The following UNC5C variants were observed in gnomAD, a reference collection of about 807,000 sequenced individuals.
UNC5C encodes unc-5 netrin receptor C, also known as netrin receptor UNC5C.
In UNC5C, 47 loss-of-function variants were observed where a neutral mutation model predicts 99.8. That is an observed-to-expected ratio of 0.47 (90% CI 0.37 to 0.60). UNC5C has a LOEUF of 0.60. Among genes scored for constraint, UNC5C ranks in the 20% least tolerant of loss-of-function variants. UNC5C has a pLI of 0.00. For missense variants in UNC5C, 1,062 were observed against 1,165.9 expected (o/e 0.91, Z 1.30); for synonymous variants, 487 against 452.2 (o/e 1.08, Z -0.98).
At chr4:95,203,583 C>T (rs772527387) in intron 11 of UNC5C, among the ~76,000 whole-genome samples, 61 of 152,280 alleles carry the variant, frequency 4.0e-4, no homozygotes, top group Non-Finnish European at 8.2e-4. Flanking sequence ...GATCCCCCAA[C>T]CTCAGCCTCC....
At chr4:95,497,428 T>C (rs766912779) in intron 1 of UNC5C, among the ~76,000 whole-genome samples, 70 of 152,118 alleles carry the variant, frequency 4.6e-4, no homozygotes, top group Non-Finnish European at 8.2e-4. Context: ...ACAAACTCTT[T>C]ATTATTAATA....
At position 95,183,092 on chromosome 4, in the gene UNC5C, G is replaced by C. The variant is rs374992226; in HGVS notation, c.2287-31C>G. 56 of 1,580,980 alleles carry C rather than the reference G, an allele frequency of 3.5e-5. 2 individuals carry two copies. The South Asian group carries it at 5.2e-4, about 15-fold the overall frequency. On this transcript the variant is annotated intron_variant, in intron 13 of 15. Transcript: ENST00000453304. ...GGATATGAAAGTGTTAACCACAATT[G>C]AAGGACTAATACCAAAAATAACTCT...
At position 95,168,092 on chromosome 4, in the gene UNC5C, G is replaced by C. The variant is rs1429621046; in HGVS notation, c.*1142C>G. 1 of 152,204 alleles carries C rather than the reference G, an allele frequency of 6.6e-6. No individual in the cohort carries two copies. Among genetic ancestry groups the C allele is most frequent in the African/African-American group, 2.4e-5 (1 of 41,432 alleles). The allele number at this position is 152,204 out of a possible 1,614,324, so 9.4% of individuals were successfully genotyped here. ...CCTCTAGAGTAGAGCACCATAGGGA[G>C]TCGACGTGGGGCCACACAACGGCAA... On this transcript the variant is annotated 3_prime_UTR_variant, in exon 16 of 16. Coordinates refer to ENST00000453304, the MANE Select transcript of UNC5C (RefSeq NM_003728.4).
chr4:95,452,839 T>G (rs538664512), intron 1 of UNC5C, among the ~76,000 whole-genome samples: 1 of 152,172 alleles, frequency 6.6e-6, no homozygotes, highest in African/African-American at 2.4e-5. Flanking sequence ...ATTCATTATC[T>G]TCAAACATGA....
At chr4:95,402,812 T>C (rs1010556662) in intron 1 of UNC5C, among the ~76,000 whole-genome samples, 2 of 152,208 alleles carry the variant, frequency 1.3e-5, no homozygotes, top group Non-Finnish European at 2.9e-5. Flanking sequence ...CCTAGTTCCT[T>C]GGCAGCAATT....
intron 1 of UNC5C, among the ~76,000 whole-genome samples, chr4:95,406,196 C>T (rs1745825596): frequency 6.6e-6 from 1 of 152,182 alleles, no homozygotes; most frequent in African/African-American, 2.4e-5. Flanking sequence ...CTCCTCAATA[C>T]CATGACTTCT....
At chr4:95,252,108 T>C (rs946943180) in intron 4 of UNC5C, among the ~76,000 whole-genome samples, 1 of 152,226 alleles carries the variant, frequency 6.6e-6, no homozygotes, top group Non-Finnish European at 1.5e-5. Context: ...TGAGTATCTC[T>C]GAGATATATA....
chr4:95,275,020 C>T (rs1007051766), intron 4 of UNC5C, among the ~76,000 whole-genome samples: 9 of 62,138 alleles, frequency 1.4e-4, no homozygotes, highest in Non-Finnish European at 2.4e-4. Context: ...AGCAAGACTC[C>T]GTGTCAAACA....
chr4:95,252,417 G>T (rs565983620), intron 4 of UNC5C, among the ~76,000 whole-genome samples: 1 of 152,054 alleles, frequency 6.6e-6, no homozygotes, highest in Non-Finnish European at 1.5e-5. Flanking sequence ...CTCATACCTG[G>T]CCCTCTTCTC....
chr4:95,392,867 CA>C (rs1745402273), intron 1 of UNC5C, among the ~76,000 whole-genome samples: 1 of 152,024 alleles, frequency 6.6e-6, no homozygotes, highest in South Asian at 2.1e-4. Context: ...ATTCAGTAAA[CA>C]TATATTATTG....
chr4:95,369,996 G>A (rs1216587320), intron 1 of UNC5C, among the ~76,000 whole-genome samples: 1 of 151,788 alleles, frequency 6.6e-6, no homozygotes, highest in Non-Finnish European at 1.5e-5. Flanking sequence ...ACAGGATATA[G>A]TTTTAGAGGT....
chr4:95,294,950 G>A (rs1433661456), intron 3 of UNC5C, among the ~76,000 whole-genome samples: 1 of 152,140 alleles, frequency 6.6e-6, no homozygotes, highest in Non-Finnish European at 1.5e-5. Context: ...ACTTGACTAA[G>A]GTCACAGTAG....
chr4:95,340,393 T>C (rs1743521352), intron 1 of UNC5C, among the ~76,000 whole-genome samples: 1 of 152,242 alleles, frequency 6.6e-6, no homozygotes, highest in Non-Finnish European at 1.5e-5. Context: ...ACTGCAAAGC[T>C]AATGTTATCT....
intron 1 of UNC5C, among the ~76,000 whole-genome samples, chr4:95,416,857 C>G (rs958380922): frequency 6.6e-5 from 10 of 152,140 alleles, no homozygotes; most frequent in Non-Finnish European, 1.2e-4. Context: ...AGTGCCCATC[C>G]TGTCACCAGG....
At chr4:95,510,474 G>A (rs2149487218) in intron 1 of UNC5C, among the ~76,000 whole-genome samples, 1 of 151,854 alleles carries the variant, frequency 6.6e-6, no homozygotes, top group Admixed American at 6.6e-5. Flanking sequence ...AGTGCCCACT[G>A]TGTACCAGCC....
At chr4:95,326,973 G>T (rs545221344) in intron 2 of UNC5C, among the ~76,000 whole-genome samples, 1 of 152,256 alleles carries the variant, frequency 6.6e-6, no homozygotes, top group South Asian at 2.1e-4. Flanking sequence ...AAAGCAACTT[G>T]TTTGCAATGT....
In UNC5C at chr4:95,355,947, T is replaced by C. The variant is rs367746230; in HGVS notation, c.125-20316A>G. ...GTGCACACTTCTTATTCCAGTAGTT[T>C]GGGGGACTGAGGTGGGAAGATCATT... On this transcript the variant is annotated intron_variant, in intron 1 of 15. Coordinates refer to ENST00000453304, the MANE Select transcript of UNC5C (RefSeq NM_003728.4). Among the ~76,000 whole-genome samples, 24 of 152,130 alleles carry C rather than the reference T, an allele frequency of 1.6e-4. No individual in the cohort carries two copies. The South Asian group carries it at 4.4e-3, about 28-fold the overall frequency.
intron 1 of UNC5C, among the ~76,000 whole-genome samples, chr4:95,525,444 G>C (rs902106872): frequency 2.6e-5 from 4 of 151,692 alleles, no homozygotes; most frequent in African/African-American, 9.7e-5. Flanking sequence ...TTTCATTCTA[G>C]AAATTTTTAA....
intron 14 of UNC5C, among the ~76,000 whole-genome samples, chr4:95,180,567 T>A (rs1364919337): frequency 6.6e-6 from 1 of 152,242 alleles, no homozygotes; most frequent in Non-Finnish European, 1.5e-5. Flanking sequence ...AGTTAAGGAA[T>A]CCCTGGCTAA....
Sources: allele counts gnomAD v4.1 joint callset (sites outside exome capture counted in the v4.1 genomes callset), GRCh38; gene constraint gnomAD v4.1.1; transcripts MANE v1.5; gene names NCBI Gene and HGNC (gene_info 2026-07-23, HGNC 2026-07-21).